The following ZNG1A variants were observed in gnomAD, a reference collection of about 807,000 sequenced individuals.
The protein encoded by ZNG1A is Zn regulated GTPase metalloprotein activator 1A, also known as zinc-regulated GTPase metalloprotein activator 1A.
the ZNG1A span, chr9:154,804 G>A: frequency 6.7e-7 from 1 of 1,488,702 alleles, no homozygotes; most frequent in East Asian, 2.3e-5. Flanking sequence ...GTCTAAAATA[G>A]CAAACAGAGA....
chr9:175,188 G>T, the ZNG1A span, among the ~76,000 whole-genome samples: 5 of 152,082 alleles, frequency 3.3e-5, no homozygotes, highest in Non-Finnish European at 1.5e-5. Context: ...GACCATCCTG[G>T]CCAACATGGC....
At chr9:140,207 G>T in the ZNG1A span, among the ~76,000 whole-genome samples, 30,616 of 151,132 alleles carry the variant, frequency 0.2, 3,533 homozygotes, top group East Asian at 0.43. Flanking sequence ...ACCTCTGGGG[G>T]CAGGGCACAG....
At chr9:178,141 T>C in the ZNG1A span, among the ~76,000 whole-genome samples, 1 of 151,128 alleles carries the variant, frequency 6.6e-6, no homozygotes, top group Non-Finnish European at 1.5e-5. Context: ...AAACTTCTAG[T>C]GTAAGTGCAT....
At chr9:170,265 T>C in the ZNG1A span, among the ~76,000 whole-genome samples, 1 of 151,554 alleles carries the variant, frequency 6.6e-6, no homozygotes, top group South Asian at 2.1e-4. Context: ...CAGCTGAGGC[T>C]GAGGCTGCCA....
chr9:138,770 G>A, the ZNG1A span, among the ~76,000 whole-genome samples: 1 of 148,042 alleles, frequency 6.8e-6, no homozygotes. Flanking sequence ...CAGGCATGGT[G>A]ACACATGCCT....
At chr9:129,740 T>C in the ZNG1A span, among the ~76,000 whole-genome samples, 1 of 150,768 alleles carries the variant, frequency 6.6e-6, no homozygotes, top group African/African-American at 2.5e-5. Flanking sequence ...AGGTCTGCTA[T>C]GTAACAATGT....
the ZNG1A span, among the ~76,000 whole-genome samples, chr9:131,473 A>C: frequency 1.3e-5 from 2 of 149,292 alleles, no homozygotes; most frequent in Non-Finnish European, 2.9e-5. Context: ...ATGTGCTTAA[A>C]CTCAAAATCT....
chr9:143,608 G>A, the ZNG1A span, among the ~76,000 whole-genome samples: 3 of 126,596 alleles, frequency 2.4e-5, no homozygotes, highest in African/African-American at 1.0e-4. Flanking sequence ...GGCAAAAACT[G>A]GAAGCATTCC....
chr9:154,773 T>C, the ZNG1A span: 5 of 1,594,396 alleles, frequency 3.1e-6, no homozygotes, highest in African/African-American at 2.7e-5. Context: ...TTAATGAGAA[T>C]GGCATCTGCC....
At chr9:152,600 G>C in the ZNG1A span, among the ~76,000 whole-genome samples, 1 of 151,306 alleles carries the variant, frequency 6.6e-6, no homozygotes, top group East Asian at 1.9e-4. Context: ...GAATAACCTC[G>C]TCAGTTACCT....
At chr9:162,647 T>A in the ZNG1A span, among the ~76,000 whole-genome samples, 7 of 150,270 alleles carry the variant, frequency 4.7e-5, 1 homozygote, top group African/African-American at 1.7e-4. Context: ...ATTCCAGTAA[T>A]AAGTCAATGC....
chr9:126,915 C>A, the ZNG1A span, among the ~76,000 whole-genome samples: 1 of 152,086 alleles, frequency 6.6e-6, no homozygotes, highest in African/African-American at 2.4e-5. Context: ...GGAATTGTTA[C>A]ATTTCCATCT....
chr9:155,513 T>G, the ZNG1A span, among the ~76,000 whole-genome samples: 3 of 152,114 alleles, frequency 2.0e-5, no homozygotes, highest in East Asian at 5.8e-4. Context: ...ATTATCTCTG[T>G]AAAGAATCCA....
the ZNG1A span, among the ~76,000 whole-genome samples, chr9:161,825 A>G: frequency 6.6e-6 from 1 of 151,846 alleles, no homozygotes; most frequent in African/African-American, 2.4e-5. Flanking sequence ...CAAAAGACCA[A>G]GAAGCGATGC....
chr9:134,968 T>C, the ZNG1A span: 1 of 1,430,962 alleles, frequency 7.0e-7, no homozygotes, highest in Non-Finnish European at 9.5e-7. Flanking sequence ...ATTTAGATTT[T>C]TTTTCTTTAC....
chr9:140,327 G>C, the ZNG1A span, among the ~76,000 whole-genome samples: 3,976 of 151,888 alleles, frequency 0.026, 67 homozygotes, highest in Middle Eastern at 0.065. Flanking sequence ...AGAACGGGCA[G>C]ACTGCCTCCT....
chr9:129,263 C>A, the ZNG1A span, among the ~76,000 whole-genome samples: 3 of 152,208 alleles, frequency 2.0e-5, no homozygotes, highest in East Asian at 3.9e-4. Context: ...GATATTTAAT[C>A]TCCACTGTTA....
chr9:144,496 T>G, the ZNG1A span, among the ~76,000 whole-genome samples: 8 of 152,076 alleles, frequency 5.3e-5, no homozygotes, highest in Admixed American at 6.5e-5. Flanking sequence ...TAGCCATATG[T>G]AGAAAGCTGA....
the ZNG1A span, chr9:177,905 T>C: frequency 6.6e-7 from 1 of 1,521,946 alleles, no homozygotes. Flanking sequence ...TACAAAGTTT[T>C]TAAAAAAAAC....
Sources: gnomAD v4.1 joint callset for allele counts (sites outside exome capture counted in the v4.1 genomes callset) on GRCh38, gnomAD v4.1.1 for gene constraint, MANE v1.5 for transcripts, NCBI Gene and HGNC (gene_info 2026-07-23, HGNC 2026-07-21) for gene names.